Variants in CCDC88A observed in about 807,000 individuals in gnomAD.
CCDC88A encodes coiled-coil and HOOK domain protein 88A.
A neutral mutation model predicts 234.3 loss-of-function variants in CCDC88A; 54 were observed. That is an observed-to-expected ratio of 0.23 (90% CI 0.19 to 0.29). The LOEUF (loss-of-function observed/expected upper bound fraction) is 0.29. Among genes scored for constraint, CCDC88A ranks in the 10% least tolerant of loss-of-function variants. CCDC88A has a pLI of 1.00. For synonymous variants in CCDC88A, 753 were observed against 737.8 expected, an observed-to-expected ratio of 1.02 and a Z score of -0.33; for missense variants, 1,832 against 2,123.4, an observed-to-expected ratio of 0.86 and a Z score of 2.70.
chr2:55,306,916 T>TA (rs1288222850), intron 25 of CCDC88A, among the ~76,000 whole-genome samples: 1 of 152,186 alleles, frequency 6.6e-6, no homozygotes, highest in Non-Finnish European at 1.5e-5. Flanking sequence ...TACCCTAAAA[T>TA]ACTATGTTTC....
intron 25 of CCDC88A, among the ~76,000 whole-genome samples, chr2:55,307,050 T>C (rs4484068): frequency 0.8 from 118,998 of 147,896 alleles, 47,562 homozygotes; most frequent in Admixed American, 0.89. Flanking sequence ...TTCAAAAGAA[T>C]AGAATGTGTC....
chr2:55,313,959 C>T (rs975612990), intron 22 of CCDC88A: 4 of 152,174 alleles, frequency 2.6e-5, no homozygotes, highest in African/African-American at 9.7e-5. Context: ...TGCCCTCTTG[C>T]AATGTGACTT....
intron 12 of CCDC88A, 150 bp downstream of exon 12, chr2:55,343,498 G>A: frequency 3.8e-6 from 2 of 531,790 alleles, no homozygotes; most frequent in East Asian, 3.3e-5. Flanking sequence ...CCAAGAAAAT[G>A]CAAACAATAT....
chr2:55,404,113 A>C (rs1217550402), intron 2 of CCDC88A: 1 of 152,166 alleles, frequency 6.6e-6, no homozygotes, highest in Admixed American at 6.5e-5. Context: ...TCCCCTCCTA[A>C]GGTAATTTAA....
At chr2:55,310,098 TAGGA>T (rs1558644492) in intron 23 of CCDC88A, among the ~76,000 whole-genome samples, 1 of 152,158 alleles carries the variant, frequency 6.6e-6, no homozygotes, top group Non-Finnish European at 1.5e-5. Flanking sequence ...GGTGTAGTTG[TAGGA>T]AGTTAAAAAA....
At chr2:55,315,153 A>C (rs544497468) in intron 22 of CCDC88A, 1 of 152,320 alleles carries the variant, frequency 6.6e-6, no homozygotes, top group East Asian at 1.9e-4. Context: ...TTTCAACCTC[A>C]GGCTATCTAA....
chr2:55,312,283 C>T (rs931316614), intron 23 of CCDC88A, 151 bp downstream of exon 23: 5 of 604,044 alleles, frequency 8.3e-6, no homozygotes, highest in Non-Finnish European at 1.4e-5. Context: ...GTTAGTATTT[C>T]TGATTATTAG....
intron 16 of CCDC88A, among the ~76,000 whole-genome samples, chr2:55,330,941 C>A (rs1684846979): frequency 6.6e-6 from 1 of 152,190 alleles, no homozygotes; most frequent in African/African-American, 2.4e-5. Flanking sequence ...AAACCTCTGT[C>A]ATTTTTTAAG....
At chr2:55,363,373 C>A (rs1671558673) in intron 6 of CCDC88A, among the ~76,000 whole-genome samples, 1 of 151,814 alleles carries the variant, frequency 6.6e-6, no homozygotes, top group African/African-American at 2.4e-5. Context: ...TCTAAAGTGT[C>A]TTTATAAGAT....
chr2:55,297,291 AT>A (rs1402338238), intron 29 of CCDC88A: 11 of 70,596 alleles, frequency 1.6e-4, no homozygotes, highest in African/African-American at 4.3e-4. Flanking sequence ...TATAATATAT[AT>A]AATTTATATA....
chr2:55,288,572 T>C lies in CCDC88A; in HGVS notation c.*2628A>G, dbSNP rs925948658. 4 of 152,658 alleles carry C rather than the reference T, an allele frequency of 2.6e-5. No individual in the cohort carries two copies. Among genetic ancestry groups the C allele is most frequent in the Non-Finnish European group, 4.4e-5 (3 of 68,030 alleles). The allele number at this position is 152,658 out of a possible 1,614,324, so 9.5% of individuals were successfully genotyped here. The stretch of plus-strand genomic sequence containing the variant: ...GCACAGTGATTTTAAAATAGGCTTT[T>C]TGCATGCCTTGCATGAAAGGTGCTA... On this transcript the variant is annotated 3_prime_UTR_variant, in exon 33 of 33. Coordinates refer to ENST00000436346, the MANE Select transcript of CCDC88A (RefSeq NM_001365480.1).
intron 22 of CCDC88A, chr2:55,314,933 C>A (rs928593346): frequency 3.9e-5 from 6 of 152,080 alleles, no homozygotes; most frequent in African/African-American, 7.2e-5. Context: ...TATGACTTAG[C>A]CCTCAGCCAA....
Position 55,295,929 on chromosome 2 carries a change from G to A in CCDC88A, c.5219C>T (p.Pro1740Leu), listed in dbSNP as rs146278824. ...TGTCCGTCTATCATAGAAGTCCCCTGGGGTTTTTCCACTTACTGACCTGGC... is the reference window on the plus strand; with the variant it reads ...TGTCCGTCTATCATAGAAGTCCCCTAGGGTTTTTCCACTTACTGACCTGGC... ...GLARSVSGKT[P>L]GDFYDRRTTK... Residue 1740 changes from proline to leucine, a missense_variant, in exon 31 of 33, where the codon CCA (proline) becomes CTA (leucine). Transcript: ENST00000436346. 3 of 1,613,946 alleles carry A rather than the reference G, an allele frequency of 1.9e-6. No homozygotes were observed. The highest frequency in any genetic ancestry group is 2.5e-6 in the Non-Finnish European group (3 of 1,180,014).
At chr2:55,346,749 A>G (rs2104731840) in intron 9 of CCDC88A, among the ~76,000 whole-genome samples, 1 of 152,344 alleles carries the variant, frequency 6.6e-6, no homozygotes, top group South Asian at 2.1e-4. Context: ...TCAAAAAAGT[A>G]CATACTTTAA....
chr2:55,318,360 C>A (rs1683217851), intron 19 of CCDC88A, among the ~76,000 whole-genome samples: 1 of 152,104 alleles, frequency 6.6e-6, no homozygotes, highest in African/African-American at 2.4e-5. Flanking sequence ...TGTTTCTGCT[C>A]TTTAAGAGCT....
chr2:55,318,434 A>T, intron 19 of CCDC88A, among the ~76,000 whole-genome samples: 1 of 152,134 alleles, frequency 6.6e-6, no homozygotes, highest in Non-Finnish European at 1.5e-5. Context: ...GTGTTAAGTG[A>T]AAGATGGATC....
At chr2:55,388,737 A>C in intron 3 of CCDC88A, 41 bp downstream of exon 3, 1 of 754,038 alleles carries the variant, frequency 1.3e-6, no homozygotes, top group South Asian at 1.6e-5. Flanking sequence ...CAAAAATGTA[A>C]GTAGTTATTA....
intron 32 of CCDC88A, 74 bp downstream of exon 32, chr2:55,291,602 C>G (rs551856935): frequency 1.6e-6 from 1 of 612,920 alleles, no homozygotes; most frequent in Non-Finnish European, 2.9e-6. Context: ...GCAATGTGCA[C>G]TTGTTTCACA....
chr2:55,388,876 AT>A lies in CCDC88A; in HGVS notation c.174del (p.Lys58AsnfsTer7). 1 of 1,313,220 alleles carries A rather than the reference AT, an allele frequency of 7.6e-7. No homozygotes were observed. Among genetic ancestry groups the A allele is most frequent in the Non-Finnish European group, 1.1e-6 (1 of 935,496 alleles). 81.3% of individuals were successfully genotyped at this position (1,313,220 alleles called of 1,614,324 possible). On this transcript the variant is annotated frameshift_variant, in exon 3 of 33. Transcript: ENST00000436346. LOFTEE classifies it high-confidence loss of function. The stretch of plus-strand genomic sequence containing the variant: ...TTTTTATTTACTCTCTGACTCTCCA[AT>A]TTAGGATTACTGTAAGAAATACAAA... ...LNQVMLQINP[K>X]LESQRVNKKV...
Sources: allele counts gnomAD v4.1 joint callset (sites outside exome capture counted in the v4.1 genomes callset), GRCh38; gene constraint gnomAD v4.1.1; transcripts MANE v1.5; gene names NCBI Gene and HGNC (gene_info 2026-07-23, HGNC 2026-07-21).